The following CDC14A variants were observed in gnomAD, a reference collection of about 807,000 sequenced individuals.
CDC14A encodes the protein dual specificity protein phosphatase CDC14A.
CDC14A carries 53 observed loss-of-function variants against 74.4 expected under a neutral mutation model. The ratio of observed to expected loss-of-function variants is 0.71; its 90% CI spans 0.57 to 0.89. CDC14A has a LOEUF of 0.89. Among genes scored for constraint, CDC14A ranks in the 40% least tolerant of loss-of-function variants. CDC14A has a pLI of 0.00. For synonymous variants in CDC14A, 247 were observed against 258.4 expected, an observed-to-expected ratio of 0.96 and a Z score of 0.43; for missense variants, 646 against 713.7, an observed-to-expected ratio of 0.91 and a Z score of 1.08.
chr1:100,440,584 G>A (rs1267677333), intron 6 of CDC14A, among the ~76,000 whole-genome samples: 4 of 152,240 alleles, frequency 2.6e-5, no homozygotes, highest in Middle Eastern at 3.4e-3. Context: ...AGTTATATAA[G>A]CTATACTGTA....
chr1:100,498,778 T>G, intron 14 of CDC14A, 151 bp from the exon 15 acceptor site: 3 of 1,155,668 alleles, frequency 2.6e-6, no homozygotes, highest in African/African-American at 1.6e-5. Flanking sequence ...CCAAGGGTGA[T>G]GAGGAAGCCA....
intron 1 of CDC14A, among the ~76,000 whole-genome samples, chr1:100,345,742 AC>A (rs1315128274): frequency 6.6e-6 from 1 of 152,264 alleles, no homozygotes; most frequent in Non-Finnish European, 1.5e-5. Context: ...CTGATAGGCA[AC>A]CAATGTAAGA....
intron 15 of CDC14A, among the ~76,000 whole-genome samples, chr1:100,514,380 G>C (rs115614750): frequency 0.016 from 2,510 of 152,188 alleles, 65 homozygotes; most frequent in African/African-American, 0.058. Context: ...ATTCAGGCCT[G>C]ATGAAAATCA....
chr1:100,509,432 T>C (rs1649526811), intron 15 of CDC14A, among the ~76,000 whole-genome samples: 1 of 152,246 alleles, frequency 6.6e-6, no homozygotes, highest in Non-Finnish European at 1.5e-5. Context: ...CTCCAAAGCA[T>C]CTGGCATTGA....
chr1:100,460,334 A>C (rs531602969), intron 8 of CDC14A, among the ~76,000 whole-genome samples: 1 of 152,188 alleles, frequency 6.6e-6, no homozygotes, highest in Non-Finnish European at 1.5e-5. Flanking sequence ...CCATTTACTC[A>C]TGATGGAAAT....
At chr1:100,511,723 TA>T (rs1649800644) in intron 15 of CDC14A, among the ~76,000 whole-genome samples, 1 of 152,208 alleles carries the variant, frequency 6.6e-6, no homozygotes, top group African/African-American at 2.4e-5. Context: ...AGTCTCCCTC[TA>T]AAATGCCTCT....
intron 2 of CDC14A, among the ~76,000 whole-genome samples, chr1:100,366,153 T>C (rs1363718330): frequency 6.6e-6 from 1 of 152,208 alleles, no homozygotes; most frequent in Non-Finnish European, 1.5e-5. Context: ...ACGTCAGCAG[T>C]GCTGGTAAAA....
chr1:100,417,210 C>T (rs924869935), intron 4 of CDC14A, among the ~76,000 whole-genome samples: 9 of 152,118 alleles, frequency 5.9e-5, no homozygotes, highest in East Asian at 1.9e-4. Context: ...CCCAAGGAAA[C>T]GGAGGAGGTG....
chr1:100,374,553 A>G (rs1654964398), intron 2 of CDC14A, among the ~76,000 whole-genome samples: 1 of 151,594 alleles, frequency 6.6e-6, no homozygotes, highest in South Asian at 2.1e-4. Context: ...TCTCTGATGC[A>G]TCTCTGTGTT....
chr1:100,434,551 A>G (rs1177811469), intron 5 of CDC14A, among the ~76,000 whole-genome samples: 3 of 152,218 alleles, frequency 2.0e-5, no homozygotes, highest in African/African-American at 7.2e-5. Context: ...GGGTGTAGGA[A>G]GGCAGTGGCA....
chr1:100,457,627 T>TA (rs1666847290), intron 8 of CDC14A, among the ~76,000 whole-genome samples: 1 of 123,782 alleles, frequency 8.1e-6, no homozygotes, highest in African/African-American at 3.6e-5. Context: ...ACCTGGCTGG[T>TA]TTTTTTTTTT....
At chr1:100,480,576 T>C (rs1202392065) in intron 10 of CDC14A, among the ~76,000 whole-genome samples, 1 of 152,168 alleles carries the variant, frequency 6.6e-6, no homozygotes, top group Admixed American at 6.6e-5. Context: ...TGTGAAACTG[T>C]TTTCCTCAAC....
At position 100,491,842 on chromosome 1, in the gene CDC14A, G is replaced by C. The variant is rs1963238; in HGVS notation, c.1138-2976G>C. Among the ~76,000 whole-genome samples the C allele has an allele frequency of 0.019, 2,807 of 148,762 alleles. 179 individuals carry two copies. The East Asian group carries it at 0.2, about 10-fold the overall frequency. ...CTGCCTTGGCCTCCCAAAGTGCTGG[G>C]ATTACAGGTGTGAGCCACCGTGCCT... On this transcript the variant is annotated intron_variant, in intron 11 of 15. Transcript: ENST00000336454.
intron 4 of CDC14A, among the ~76,000 whole-genome samples, chr1:100,417,358 C>G (rs1291033822): frequency 6.6e-6 from 1 of 152,102 alleles, no homozygotes; most frequent in Non-Finnish European, 1.5e-5. Flanking sequence ...ATCTCTGTGC[C>G]CTCGTATATG....
intron 10 of CDC14A, among the ~76,000 whole-genome samples, chr1:100,478,922 C>T (rs897766813): frequency 2.0e-5 from 3 of 152,144 alleles, no homozygotes; most frequent in Non-Finnish European, 4.4e-5. Context: ...TCTGATTCAG[C>T]AGGTCTGAGG....
chr1:100,357,608 T>G (rs1652098665), intron 2 of CDC14A, among the ~76,000 whole-genome samples: 1 of 152,112 alleles, frequency 6.6e-6, no homozygotes, highest in Non-Finnish European at 1.5e-5. Context: ...ATGTTTAAAT[T>G]AAATGCTGCT....
In CDC14A at chr1:100,357,877, C is replaced by T. The variant is rs191139287; in HGVS notation, c.140+4025C>T. Among the ~76,000 whole-genome samples the T allele has an allele frequency of 5.1e-3, 774 of 152,098 alleles. 6 individuals are homozygous for T. Among genetic ancestry groups the T allele is most frequent in the African/African-American group, 0.018 (739 of 41,494 alleles). On this transcript the variant is annotated intron_variant, in intron 2 of 15. Coordinates refer to ENST00000336454, the MANE Select transcript of CDC14A (RefSeq NM_003672.4). ...ATATTCTGGCCACAGCTGTGTTTTG[C>T]GCAGATGTTTCTTTAGTTATGAAAG...
At chr1:100,484,529 A>C in intron 11 of CDC14A, 78 bp downstream of exon 11, 1 of 1,405,994 alleles carries the variant, frequency 7.1e-7, no homozygotes, top group Non-Finnish European at 9.3e-7. Flanking sequence ...TATATAACAT[A>C]GCAGTGTCTT....
rs1288243500 is a variant in CDC14A at position 100,435,819 on chromosome 1, C to T, written c.390-4113C>T. Among the ~76,000 whole-genome samples the T allele has an allele frequency of 1.8e-4, 16 of 89,756 alleles. 1 individual carries two copies. Among genetic ancestry groups the T allele is most frequent in the African/African-American group, 5.6e-5 (1 of 17,740 alleles). The allele number at this position is 89,756 out of a possible 152,430, so 58.9% of individuals were successfully genotyped here. Reference sequence around the variant, plus strand: ...AGCCTGGGCTACAAGAGTGAGACTTCGTCTAAAAAAAAAAAAAAAAAAAAA... The same window carrying T: ...AGCCTGGGCTACAAGAGTGAGACTTTGTCTAAAAAAAAAAAAAAAAAAAAA... On this transcript the variant is annotated intron_variant, in intron 5 of 15. Coordinates refer to ENST00000336454, the MANE Select transcript of CDC14A (RefSeq NM_003672.4).
Sources: allele counts gnomAD v4.1 joint callset (sites outside exome capture counted in the v4.1 genomes callset), GRCh38; gene constraint gnomAD v4.1.1; transcripts MANE v1.5; gene names NCBI Gene and HGNC (gene_info 2026-07-23, HGNC 2026-07-21).